CSMD1: variants seen among roughly 807,000 people sequenced by gnomAD.
The protein encoded by CSMD1 is CUB and Sushi multiple domains 1.
A neutral mutation model predicts 417.5 loss-of-function variants in CSMD1; 213 were observed. The ratio of observed to expected loss-of-function variants is 0.51; its 90% CI spans 0.46 to 0.57. The LOEUF (loss-of-function observed/expected upper bound fraction) is 0.57. Among genes scored for constraint, CSMD1 ranks in the 20% least tolerant of loss-of-function variants. CSMD1 has a pLI of 0.00. For missense variants in CSMD1, 6,923 were observed against 4,529.7 expected (o/e 1.53, Z -15.17); for synonymous variants, 2,862 against 1,736.8 (o/e 1.65, Z -16.11).
chr8:3,161,532 G>T lies in CSMD1; in HGVS notation c.5844+627C>A, dbSNP rs182793030. Among the ~76,000 whole-genome samples the T allele has an allele frequency of 2.3e-3, 343 of 146,198 alleles. 4 individuals are homozygous for T. The highest frequency in any genetic ancestry group is 0.022 in the Admixed American group (308 of 14,264). Reference sequence around the variant, plus strand: ...CTTGGGAGGCTGAGGCAGGAGAATTGTTTGAATCTGGGAGGCGGAGCTTGC... The same window carrying T: ...CTTGGGAGGCTGAGGCAGGAGAATTTTTTGAATCTGGGAGGCGGAGCTTGC... On this transcript the variant is annotated intron_variant, in intron 38 of 69. Transcript: ENST00000635120.
At chr8:4,451,751 G>T (rs562689016) in intron 2 of CSMD1, among the ~76,000 whole-genome samples, 1 of 151,918 alleles carries the variant, frequency 6.6e-6, no homozygotes, top group Admixed American at 6.6e-5. Context: ...GGCATCGAAT[G>T]ATACAGATAG....
At chr8:4,265,603 T>A (rs1804189257) in intron 3 of CSMD1, among the ~76,000 whole-genome samples, 1 of 105,774 alleles carries the variant, frequency 9.5e-6, no homozygotes, top group African/African-American at 2.6e-5. Flanking sequence ...AAAACAAGGA[T>A]AATTATTAAA....
chr8:4,343,253 G>C (rs1226686532), intron 3 of CSMD1, among the ~76,000 whole-genome samples: 1 of 152,128 alleles, frequency 6.6e-6, no homozygotes, highest in African/African-American at 2.4e-5. Flanking sequence ...CAGGAGGATG[G>C]AGGTTGCCAG....
At chr8:4,374,558 A>C (rs769507203) in intron 3 of CSMD1, among the ~76,000 whole-genome samples, 3 of 152,120 alleles carry the variant, frequency 2.0e-5, no homozygotes, top group Admixed American at 6.6e-5. Context: ...CAAGCGACTC[A>C]CACTGTCCAG....
rs1486476275 is a variant in CSMD1, at chr8:4,170,686, C to G, written c.416-138587G>C. Among the ~76,000 whole-genome samples, 7 of 151,212 alleles carry G rather than the reference C, an allele frequency of 4.6e-5. 2 individuals are homozygous for G. Among genetic ancestry groups the G allele is most frequent in the African/African-American group, 1.5e-4 (6 of 40,914 alleles). On this transcript the variant is annotated intron_variant, in intron 3 of 69. Coordinates refer to ENST00000635120, the MANE Select transcript of CSMD1 (RefSeq NM_033225.6). The stretch of plus-strand genomic sequence containing the variant: ...AGAATAAGTTGGAGGAGCTAGAACT[C>G]TGACAAAAGTAAACTGATATAGCTA...
At chr8:3,527,710 AC>A (rs1321863725) in intron 10 of CSMD1, among the ~76,000 whole-genome samples, 1 of 152,064 alleles carries the variant, frequency 6.6e-6, no homozygotes, top group Non-Finnish European at 1.5e-5. Context: ...TGTGACCCTT[AC>A]CACTGGTGGG....
At chr8:3,831,270 T>C (rs1387465327) in intron 5 of CSMD1, among the ~76,000 whole-genome samples, 4 of 152,210 alleles carry the variant, frequency 2.6e-5, no homozygotes, top group Non-Finnish European at 5.9e-5. Flanking sequence ...TAGTTATTCC[T>C]GCTCGTCAGG....
At chr8:3,875,356 G>A (rs1027146950) in intron 5 of CSMD1, among the ~76,000 whole-genome samples, 1 of 152,176 alleles carries the variant, frequency 6.6e-6, no homozygotes, top group Non-Finnish European at 1.5e-5. Context: ...TACTAAGAAG[G>A]ACAGTGAGTG....
intron 1 of CSMD1, among the ~76,000 whole-genome samples, chr8:4,769,811 C>A (rs1031547878): frequency 2.6e-5 from 4 of 152,122 alleles, no homozygotes; most frequent in African/African-American, 9.7e-5. Context: ...TTCTACTTGG[C>A]ATTTTAAAAA....
intron 5 of CSMD1, among the ~76,000 whole-genome samples, chr8:3,937,385 G>C (rs1231940719): frequency 6.6e-6 from 1 of 152,070 alleles, no homozygotes; most frequent in Admixed American, 6.6e-5. Context: ...AAACTTTACT[G>C]TTGTCTTATT....
chr8:4,158,867 G>T (rs547505326), intron 3 of CSMD1, among the ~76,000 whole-genome samples: 1 of 152,130 alleles, frequency 6.6e-6, no homozygotes, highest in Admixed American at 6.5e-5. Flanking sequence ...GAAATCTCAA[G>T]TCCTCAGTTT....
At chr8:4,361,793 A>G (rs1449897517) in intron 3 of CSMD1, among the ~76,000 whole-genome samples, 2 of 152,010 alleles carry the variant, frequency 1.3e-5, no homozygotes, top group African/African-American at 4.8e-5. Context: ...ATCTCTACTA[A>G]AAATACAAAA....
chr8:4,187,676 C>CAA lies in CSMD1; in HGVS notation c.416-155579_416-155578dup, dbSNP rs34858860. 4.0e-3 allele frequency among the ~76,000 whole-genome samples: 356 copies of CAA among 88,514 alleles called. 24 individuals are homozygous for CAA. The highest frequency in any genetic ancestry group is 0.015 in the Middle Eastern group (2 of 134). 58.1% of individuals were successfully genotyped at this position (88,514 alleles called of 152,430 possible). On this transcript the variant is annotated intron_variant, in intron 3 of 69. Transcript: ENST00000635120. ...GGGCAACAAGAGTGAAACTCCGTCTCAAAAAAAAAAAAAAAAAAGCATTCA... is the reference window on the plus strand; with the variant it reads ...GGGCAACAAGAGTGAAACTCCGTCTCAAAAAAAAAAAAAAAAAAAAGCATTCA...
chr8:3,570,232 T>C (rs1317867989), intron 10 of CSMD1, among the ~76,000 whole-genome samples: 3 of 152,234 alleles, frequency 2.0e-5, no homozygotes, highest in Non-Finnish European at 2.9e-5. Flanking sequence ...TCACATCATA[T>C]GCAAAAGATA....
At chr8:3,937,631 T>C (rs1434097385) in intron 5 of CSMD1, among the ~76,000 whole-genome samples, 1 of 152,184 alleles carries the variant, frequency 6.6e-6, no homozygotes, top group Non-Finnish European at 1.5e-5. Context: ...ACTTGCTTTC[T>C]TGCAGTCATC....
chr8:4,530,666 G>C (rs952672529), intron 2 of CSMD1, among the ~76,000 whole-genome samples: 1 of 150,720 alleles, frequency 6.6e-6, no homozygotes, highest in African/African-American at 2.4e-5. Flanking sequence ...CCCTGCAAAG[G>C]GCATGAACTC....
At chr8:3,936,999 C>G (rs970567668) in intron 5 of CSMD1, among the ~76,000 whole-genome samples, 3 of 152,090 alleles carry the variant, frequency 2.0e-5, no homozygotes, top group African/African-American at 7.2e-5. Context: ...TCGTGAATGA[C>G]TTTGTTGGGT....
chr8:4,937,212 CA>C (rs1807678496), intron 1 of CSMD1, among the ~76,000 whole-genome samples: 1 of 133,368 alleles, frequency 7.5e-6, no homozygotes, highest in Non-Finnish European at 1.6e-5. Flanking sequence ...GGCCCTGTCT[CA>C]AAATAAATAA....
intron 5 of CSMD1, among the ~76,000 whole-genome samples, chr8:3,857,496 C>A (rs1804393282): frequency 6.6e-6 from 1 of 152,120 alleles, no homozygotes; most frequent in Admixed American, 6.6e-5. Context: ...ATGAGGATAC[C>A]TAAGTCCAGA....
Sources: gnomAD v4.1 joint callset for allele counts (sites outside exome capture counted in the v4.1 genomes callset) on GRCh38, gnomAD v4.1.1 for gene constraint, MANE v1.5 for transcripts, NCBI Gene and HGNC (gene_info 2026-07-23, HGNC 2026-07-21) for gene names.